The following NTRK1 variants were observed in gnomAD, a reference collection of about 807,000 sequenced individuals.
NTRK1 encodes high affinity nerve growth factor receptor.
NTRK1 carries 62 observed loss-of-function variants against 86.8 expected under a neutral mutation model. The ratio of observed to expected loss-of-function variants is 0.71; its 90% CI spans 0.58 to 0.88. The LOEUF is 0.88. Among genes scored for constraint, NTRK1 ranks in the 40% least tolerant of loss-of-function variants. NTRK1 has a pLI of 0.00. For synonymous variants in NTRK1, 469 were observed against 456.6 expected (o/e 1.03, Z -0.35); for missense variants, 967 against 1,078.4 (o/e 0.90, Z 1.45).
At chr1:156,868,354 A>G (rs2102893794) in intron 5 of NTRK1, 105 bp downstream of exon 5, 2 of 1,542,520 alleles carry the variant, frequency 1.3e-6, no homozygotes, top group East Asian at 4.8e-5. Context: ...GGGAATGGGC[A>G]CTGGCAAAGG....
At chr1:156,876,369 A>G (rs1399959671) in intron 13 of NTRK1, 31 bp from the exon 14 acceptor site, 10 of 1,612,996 alleles carry the variant, frequency 6.2e-6, no homozygotes, top group East Asian at 2.2e-5. Context: ...TCGGCCCCCA[A>G]CTCAGTCCTG....
chr1:156,851,887 C>T, intron 2 of NTRK1: 4 of 1,580,588 alleles, frequency 2.5e-6, no homozygotes, highest in Non-Finnish European at 2.6e-6. Flanking sequence ...CCTACACTCA[C>T]CTGCTGCTAT....
chr1:156,852,682 G>A (rs1655267627), intron 2 of NTRK1, among the ~76,000 whole-genome samples: 1 of 152,234 alleles, frequency 6.6e-6, no homozygotes, highest in Non-Finnish European at 1.5e-5. Flanking sequence ...GTGGCTCCAA[G>A]CAGCAGTGGG....
chr1:156,845,032 G>A (rs764140013), intron 2 of NTRK1: 9 of 1,568,672 alleles, frequency 5.7e-6, no homozygotes, highest in Non-Finnish European at 7.8e-6. Context: ...CAGGGTCCTT[G>A]GGGTCGGTGA....
In NTRK1 at chr1:156,868,212, G is replaced by A. The variant is rs2102893255; in HGVS notation, c.537G>A (p.Gly179=). Residue 179 remains glycine, a synonymous_variant, in exon 5 of 17, where the codon GGG becomes GGA. Coordinates refer to ENST00000524377, the MANE Select transcript of NTRK1 (RefSeq NM_002529.4). ...GVPEQKLQCH[G]QGPLAHMPNA... Reference sequence around the variant, plus strand: ...CTGAACAGAAGCTGCAGTGTCATGGGCAAGGGCCCCTGGCCCACATGCCCA... The same window carrying A: ...CTGAACAGAAGCTGCAGTGTCATGGACAAGGGCCCCTGGCCCACATGCCCA... The A allele has an allele frequency of 6.2e-7, 1 of 1,612,588 alleles. No individual in the cohort carries two copies. The highest frequency in any genetic ancestry group is 8.5e-7 in the Non-Finnish European group (1 of 1,180,020).
chr1:156,871,427 G>A (rs774858477), intron 6 of NTRK1, among the ~76,000 whole-genome samples, 196 bp from the exon 7 acceptor site: 10 of 152,246 alleles, frequency 6.6e-5, no homozygotes, highest in Admixed American at 2.6e-4. Context: ...ATGTGATCCA[G>A]GAGATAGTCA....
rs757683490 is a variant in NTRK1 at position 156,861,135 on chromosome 1, C to T, written c.201C>T (p.Asn67=). 2 of 1,577,310 alleles carry T rather than the reference C, an allele frequency of 1.3e-6. No homozygotes were observed. The highest frequency in any genetic ancestry group is 2.3e-5 in the South Asian group (2 of 87,406). The change falls in exon 1 of 17, where the codon AAC becomes AAT. Residue 67 remains asparagine (N), a synonymous_variant. Coordinates refer to ENST00000524377, the MANE Select transcript of NTRK1 (RefSeq NM_002529.4). ...DSLHHLPGAE[N]LTELYIENQQ... ...TCCACCACCTGCCCGGCGCAGAGAACCTGACTGAGCTGTGAGTGTCCGGCG... is the reference window on the plus strand; with the variant it reads ...TCCACCACCTGCCCGGCGCAGAGAATCTGACTGAGCTGTGAGTGTCCGGCG...
chr1:156,846,677 G>T, intron 2 of NTRK1: 1 of 1,614,178 alleles, frequency 6.2e-7, no homozygotes, highest in Non-Finnish European at 8.5e-7. Context: ...GCGGCTTAGG[G>T]GCAGCTCCAC....
chr1:156,864,362 A>G lies in NTRK1; in HGVS notation c.221A>G (p.Glu74Gly). Residue 74 changes from glutamate to glycine, a missense_variant, in exon 2 of 17, where the codon GAG (glutamate) becomes GGG (glycine). This residue lies in a region of NTRK1 where 330 missense variants were observed against 302.0 expected (regional missense o/e 1.09). Coordinates refer to ENST00000524377, the MANE Select transcript of NTRK1 (RefSeq NM_002529.4). Reference sequence around the variant, plus strand: ...ATCCGCTCTCCCCACAGCTACATCGAGAACCAGCAGCATCTGCAGCATCTG... The same window carrying G: ...ATCCGCTCTCCCCACAGCTACATCGGGAACCAGCAGCATCTGCAGCATCTG... ...GAENLTELYI[E>G]NQQHLQHLEL... 1 of 1,614,168 alleles carries G rather than the reference A, an allele frequency of 6.2e-7. No individual in the cohort carries two copies. The highest frequency in any genetic ancestry group is 8.5e-7 in the Non-Finnish European group (1 of 1,180,026).
intron 1 of NTRK1, among the ~76,000 whole-genome samples, chr1:156,816,360 T>C (rs1267970303): frequency 6.6e-6 from 1 of 152,092 alleles, no homozygotes; most frequent in Non-Finnish European, 1.5e-5. Context: ...CTTCGGATGG[T>C]CAGGGAGGCA....
At chr1:156,860,695 G>C (rs892012044), upstream of NTRK1, 7 of 640,510 alleles carry the variant, frequency 1.1e-5, no homozygotes, top group East Asian at 1.4e-4. Context: ...GCGGATCCTC[G>C]GGGAGAAGGC....
chr1:156,880,382 C>T, intron 16 of NTRK1: 1 of 595,894 alleles, frequency 1.7e-6, no homozygotes, highest in Non-Finnish European at 3.0e-6. Context: ...CCCAGTTGGC[C>T]CCTGGGGGAA....
intron 1 of NTRK1, among the ~76,000 whole-genome samples, chr1:156,822,753 G>A (rs138080988): frequency 1.3e-4 from 20 of 152,158 alleles, no homozygotes; most frequent in African/African-American, 4.3e-4. Context: ...TTTCCTGGTA[G>A]GGTGATCCAG....
At chr1:156,869,104 C>T (rs1647390837) in intron 6 of NTRK1, among the ~76,000 whole-genome samples, 1 of 145,356 alleles carries the variant, frequency 6.9e-6, no homozygotes, top group South Asian at 2.2e-4. Context: ...TGGAGTTTCG[C>T]TCTGTTGCCC....
At chr1:156,866,775 C>T in intron 3 of NTRK1, 135 bp from the exon 4 acceptor site, 1 of 600,866 alleles carries the variant, frequency 1.7e-6, no homozygotes, top group Non-Finnish European at 3.0e-6. Context: ...CCTTCCAGGG[C>T]TGGTTCTGGT....
Position 156,820,550 on chromosome 1 carries a change from C to T in NTRK1, c.-64+4712C>T, listed in dbSNP as rs116588443. Among the ~76,000 whole-genome samples the T allele has an allele frequency of 6.6e-3, 1,011 of 152,248 alleles. 9 individuals are homozygous for T. Among genetic ancestry groups the T allele is most frequent in the African/African-American group, 0.023 (942 of 41,530 alleles). On this transcript the variant is annotated intron_variant, in intron 1 of 16. Coordinates refer to the NTRK1 transcript ENST00000392302. ...GCGTGAGCCACCACATCCAGCCCCC[C>T]CAATGTATGTTTTTGTATGCTTTGT...
chr1:156,873,688 C>A lies in NTRK1; in HGVS notation c.906C>A (p.Pro302=), dbSNP rs780979543. 2 of 1,611,514 alleles carry A rather than the reference C, an allele frequency of 1.2e-6. No homozygotes were observed. Among genetic ancestry groups the A allele is most frequent in the Non-Finnish European group, 1.7e-6 (2 of 1,179,536 alleles). Residue 302 remains proline, a synonymous_variant, in exon 8 of 17, where the codon CCC becomes CCA. Coordinates refer to ENST00000524377, the MANE Select transcript of NTRK1 (RefSeq NM_002529.4). ...TAVEMHHWCI[P]FSVDGQPAPS... is the part of the protein sequence containing the mutation. ...TGGAGATGCACCACTGGTGCATCCCCTTCTCTGTGGATGGGCAGCCGGCAC... is the reference window on the plus strand; with the variant it reads ...TGGAGATGCACCACTGGTGCATCCCATTCTCTGTGGATGGGCAGCCGGCAC...
At chr1:156,874,493 G>T (rs1421328873) in intron 9 of NTRK1, 78 bp from the exon 10 acceptor site, 1 of 1,612,536 alleles carries the variant, frequency 6.2e-7, no homozygotes, top group Non-Finnish European at 8.5e-7. Flanking sequence ...TGAGAGACCA[G>T]CTGGGGCCAG....
At chr1:156,874,529 G>A (rs376303462) in intron 9 of NTRK1, 42 bp from the exon 10 acceptor site, 24 of 1,612,142 alleles carry the variant, frequency 1.5e-5, no homozygotes, top group Non-Finnish European at 2.0e-5. Context: ...GGAGGCTACA[G>A]TGTGTGTCAA....
Sources: allele counts gnomAD v4.1 joint callset (sites outside exome capture counted in the v4.1 genomes callset), GRCh38; gene constraint gnomAD v4.1.1; regional missense constraint gnomAD v4.1.1; transcripts MANE v1.5; gene names NCBI Gene and HGNC (gene_info 2026-07-23, HGNC 2026-07-21).